GLIPR2: variants seen among roughly 807,000 people sequenced by gnomAD.
GLIPR2 encodes the protein GLI pathogenesis related 2.
A neutral mutation model predicts 20.4 loss-of-function variants in GLIPR2; 21 were observed. That is an observed-to-expected ratio of 1.03 (90% confidence interval 0.73 to 1.48). GLIPR2 has a LOEUF of 1.48. GLIPR2 is among the 40% of genes most tolerant of loss of function. The pLI is 0.00. For synonymous variants in GLIPR2, 91 were observed against 80.5 expected, an observed-to-expected ratio of 1.13 and a Z score of -0.70; for missense variants, 205 against 200.1, an observed-to-expected ratio of 1.02 and a Z score of -0.15.
intron 1 of GLIPR2, among the ~76,000 whole-genome samples, chr9:36,139,507 A>G (rs2132707354): frequency 6.6e-6 from 1 of 152,222 alleles, no homozygotes; most frequent in Non-Finnish European, 1.5e-5. Flanking sequence ...GTGGTCCTTC[A>G]ACTCAAGCTC....
intron 4 of GLIPR2, among the ~76,000 whole-genome samples, chr9:36,159,556 G>C (rs1825971826): frequency 6.6e-6 from 1 of 152,186 alleles, no homozygotes; most frequent in Admixed American, 6.5e-5. Context: ...CCTGGTGAAG[G>C]AGCCAAACAG....
chr9:36,147,715 C>T (rs985234613), intron 1 of GLIPR2, 71 bp from the exon 2 acceptor site: 2 of 798,480 alleles, frequency 2.5e-6, no homozygotes, highest in African/African-American at 1.7e-5. Context: ...GTGTTGCTTT[C>T]AGCATGCCAT....
chr9:36,150,030 G>GAAAAC (rs1408571057), intron 3 of GLIPR2, among the ~76,000 whole-genome samples: 14 of 152,164 alleles, frequency 9.2e-5, no homozygotes, highest in African/African-American at 3.4e-4. Context: ...CTCCGTCTCA[G>GAAAAC]AAAACAAAAC....
At chr9:36,136,653 C>T, upstream of GLIPR2, 1 of 675,386 alleles carries the variant, frequency 1.5e-6, no homozygotes, top group East Asian at 3.8e-5. The surrounding 1 kb of genome is among the most constrained non-coding windows in gnomAD (Gnocchi z 4.3). Flanking sequence ...CCTTATAAGG[C>T]GGGGGCCGGG....
At chr9:36,137,993 C>G (rs1424944827) in intron 1 of GLIPR2, among the ~76,000 whole-genome samples, 1 of 152,254 alleles carries the variant, frequency 6.6e-6, no homozygotes, top group African/African-American at 2.4e-5. Flanking sequence ...AAGCCTCCTT[C>G]CCTCTGTTCC....
At chr9:36,149,535 G>T (rs749596019) in intron 3 of GLIPR2, among the ~76,000 whole-genome samples, 5 of 151,250 alleles carry the variant, frequency 3.3e-5, no homozygotes, top group Non-Finnish European at 7.4e-5. Flanking sequence ...TGTGGCCCTC[G>T]ATGGGCCCCG....
chr9:36,155,324 G>C (rs1825783135), intron 4 of GLIPR2, among the ~76,000 whole-genome samples: 1 of 152,222 alleles, frequency 6.6e-6, no homozygotes, highest in African/African-American at 2.4e-5. Context: ...GCTGGGCGTG[G>C]TGGCTCATGC....
intron 4 of GLIPR2, among the ~76,000 whole-genome samples, chr9:36,161,548 C>A (rs1563891100): frequency 6.6e-6 from 1 of 150,386 alleles, no homozygotes; most frequent in Non-Finnish European, 1.5e-5. Flanking sequence ...AAGTGTGGGT[C>A]CTTCAATATC....
chr9:36,143,124 G>A (rs1237443299), intron 1 of GLIPR2, among the ~76,000 whole-genome samples: 14 of 152,030 alleles, frequency 9.2e-5, no homozygotes, highest in African/African-American at 1.5e-4. Flanking sequence ...AGTTTTTAGC[G>A]GCCTTATATG....
intron 1 of GLIPR2, among the ~76,000 whole-genome samples, 174 bp from the exon 2 acceptor site, chr9:36,147,612 G>A (rs956724179): frequency 2.0e-5 from 3 of 152,270 alleles, no homozygotes; most frequent in African/African-American, 4.8e-5. Context: ...GCCAGGTAGG[G>A]TGAGCAGTGG....
intron 1 of GLIPR2, among the ~76,000 whole-genome samples, chr9:36,147,009 G>A (rs1334155683): frequency 2.0e-5 from 3 of 152,144 alleles, no homozygotes; most frequent in East Asian, 1.9e-4. Context: ...GGGTCCCCAG[G>A]TTGTCTGATT....
Position 36,163,246 on chromosome 9 carries a change from ATTT to A in GLIPR2, c.*725_*727del. On this transcript the variant is annotated 3_prime_UTR_variant, in exon 5 of 5. Coordinates refer to ENST00000377960, the MANE Select transcript of GLIPR2 (RefSeq NM_022343.4). ...TTCCCTCTTTTCTTAAACTTCTGGC[ATTT>A]CAGAGCTCAGCAGGCTACCCCTGGT... is the stretch of plus-strand genomic sequence containing the variant. 1 of 231,702 alleles carries A rather than the reference ATTT, an allele frequency of 4.3e-6. No homozygotes were observed. The highest frequency in any genetic ancestry group is 1.5e-4 in the East Asian group (1 of 6,748). The allele number at this position is 231,702 out of a possible 1,614,324, so 14.4% of individuals were successfully genotyped here. A position where few individuals can be genotyped will look rare whatever the true frequency, so the allele number is the denominator to read the frequency against.
At chr9:36,146,275 T>G (rs1825320856) in intron 1 of GLIPR2, 1 of 152,122 alleles carries the variant, frequency 6.6e-6, no homozygotes, top group South Asian at 2.1e-4. Context: ...AGGAGCCCAG[T>G]CCTGTGATAA....
upstream of GLIPR2, chr9:36,136,732 C>T: frequency 2.5e-6 from 3 of 1,219,244 alleles, no homozygotes; most frequent in Non-Finnish European, 3.1e-6. This position sits in a 1 kb window ranked among gnomAD's most constrained non-coding sequence, Gnocchi z 4.3. Context: ...GCCGGGCGAG[C>T]GCAGTGCAGC....
chr9:36,142,279 CTGCCTCTT>C lies in GLIPR2; in HGVS notation c.13+5490_13+5497del, dbSNP rs528166012. Among the ~76,000 whole-genome samples the C allele has an allele frequency of 1.6e-3, 249 of 152,284 alleles. 2 individuals are homozygous for C. The highest frequency in any genetic ancestry group is 5.7e-3 in the African/African-American group (236 of 41,554). On this transcript the variant is annotated intron_variant, in intron 1 of 4. Coordinates refer to ENST00000377960, the MANE Select transcript of GLIPR2 (RefSeq NM_022343.4). ...CCTCCCAGGCCTCCTCAGTCACCCG[CTGCCTCTT>C]TCCATCATTCCCTTTGTCGCCTGTG...
chr9:36,136,725 G>T (rs1451004278), upstream of GLIPR2: 7 of 1,188,120 alleles, frequency 5.9e-6, no homozygotes, highest in Non-Finnish European at 7.4e-6. The surrounding 1 kb of genome is among the most constrained non-coding windows in gnomAD (Gnocchi z 4.3). Flanking sequence ...GCGCTGGGCC[G>T]GGCGAGCGCA....
intron 4 of GLIPR2, among the ~76,000 whole-genome samples, chr9:36,153,082 C>G (rs1027110019): frequency 7.0e-6 from 1 of 142,324 alleles, no homozygotes; most frequent in Admixed American, 7.2e-5. Flanking sequence ...GAGCGGAGAT[C>G]GCCCACTCCA....
At chr9:36,143,125 G>T (rs926933814) in intron 1 of GLIPR2, among the ~76,000 whole-genome samples, 1 of 152,088 alleles carries the variant, frequency 6.6e-6, no homozygotes, top group Non-Finnish European at 1.5e-5. Context: ...GTTTTTAGCG[G>T]CCTTATATGT....
Position 36,158,520 on chromosome 9 carries a change from T to C in GLIPR2, c.305-3842T>C, listed in dbSNP as rs547716826. 5.3e-5 allele frequency among the ~76,000 whole-genome samples: 8 copies of C among 152,320 alleles called. No individual in the cohort carries two copies. In the South Asian group the frequency reaches 1.7e-3, roughly 32 times the overall value. ...TCTTCCTTTCCTCATCAAATGTTTA[T>C]TGAGCATCTACTATGTGCCAGGCCC... On this transcript the variant is annotated intron_variant, in intron 4 of 4. Transcript: ENST00000377960.
Sources: gnomAD v4.1 joint callset for allele counts (sites outside exome capture counted in the v4.1 genomes callset) on GRCh38, gnomAD v4.1.1 for gene constraint, Gnocchi (gnomAD v3.1) non-coding constraint, MANE v1.5 for transcripts, NCBI Gene and HGNC (gene_info 2026-07-23, HGNC 2026-07-21) for gene names.